The following PRR16 variants were observed in gnomAD, a reference collection of about 807,000 sequenced individuals.
PRR16 encodes the protein proline rich 16.
A neutral mutation model predicts 18.2 loss-of-function variants in PRR16; 6 were observed. The observed-to-expected ratio is 0.33, with a 90% CI of 0.18 to 0.65. PRR16 has a LOEUF of 0.65. PRR16 is among the 30% of genes least tolerant of loss of function. The pLI, the probability that PRR16 is intolerant of heterozygous loss-of-function variation, is 0.74. For missense variants in PRR16, 412 were observed against 376.6 expected (o/e 1.09, Z -0.78); for synonymous variants, 151 against 147.8 (o/e 1.02, Z -0.16).
chr5:120,699,714 A>C, the PRR16 span, among the ~76,000 whole-genome samples: 45 of 152,228 alleles, frequency 3.0e-4, no homozygotes, highest in East Asian at 8.1e-3. Flanking sequence ...CAGTAAGGTC[A>C]AGTTGGACAG....
the PRR16 span, among the ~76,000 whole-genome samples, chr5:120,759,126 G>A: frequency 1.6e-4 from 24 of 151,604 alleles, no homozygotes; most frequent in Admixed American, 2.6e-4. Flanking sequence ...ACAGGCACCC[G>A]CCACCATGCC....
At chr5:120,517,266 A>C (rs1751028465) in intron 1 of PRR16, among the ~76,000 whole-genome samples, 1 of 152,198 alleles carries the variant, frequency 6.6e-6, no homozygotes, top group Admixed American at 6.5e-5. Context: ...TAGTACAATC[A>C]ATGCATGAAT....
At chr5:120,595,439 A>AT (rs1009691878) in intron 1 of PRR16, among the ~76,000 whole-genome samples, 5 of 151,570 alleles carry the variant, frequency 3.3e-5, no homozygotes, top group African/African-American at 1.2e-4. Context: ...AAAGTCAAAA[A>AT]AAAAATAAAA....
At chr5:120,700,161 C>A in the PRR16 span, among the ~76,000 whole-genome samples, 7 of 152,034 alleles carry the variant, frequency 4.6e-5, no homozygotes, top group Non-Finnish European at 1.0e-4. Flanking sequence ...ATAGGCAAAA[C>A]AATTTGGTTG....
At chr5:120,504,241 G>A (rs1007488884) in intron 1 of PRR16, among the ~76,000 whole-genome samples, 1 of 152,114 alleles carries the variant, frequency 6.6e-6, no homozygotes, top group Non-Finnish European at 1.5e-5. Context: ...TGACCTTGGT[G>A]CTGATTCTGC....
At chr5:120,595,383 C>T (rs1753766415) in intron 1 of PRR16, among the ~76,000 whole-genome samples, 1 of 151,554 alleles carries the variant, frequency 6.6e-6, no homozygotes. Context: ...CAAATCAAAT[C>T]CACAATGAGA....
chr5:120,537,121 T>C (rs1751743591), intron 1 of PRR16, among the ~76,000 whole-genome samples: 1 of 152,070 alleles, frequency 6.6e-6, no homozygotes. Context: ...CATGGAATAA[T>C]CTGTACAACA....
At position 120,475,061 on chromosome 5, in the gene PRR16, T is replaced by A. The variant is rs142485755; in HGVS notation, c.159+10416T>A. On this transcript the variant is annotated intron_variant, in intron 1 of 1. Coordinates refer to ENST00000407149, the MANE Select transcript of PRR16 (RefSeq NM_001300783.2). ...TGACGATGATGATGATACAGATGAC[T>A]GACAACTGTTAACTTCTCACTATGT... 8.6e-4 allele frequency among the ~76,000 whole-genome samples: 131 copies of A among 152,334 alleles called. 1 individual carries two copies. In the East Asian group the frequency reaches 0.023, roughly 27 times the overall value.
intron 1 of PRR16, among the ~76,000 whole-genome samples, chr5:120,673,205 C>G (rs985555561): frequency 6.6e-6 from 1 of 152,232 alleles, no homozygotes; most frequent in African/African-American, 2.4e-5. Context: ...CTATATGGAA[C>G]TATGTGATGC....
At chr5:120,629,969 T>C (rs1357481011) in intron 1 of PRR16, among the ~76,000 whole-genome samples, 1 of 152,070 alleles carries the variant, frequency 6.6e-6, no homozygotes, top group African/African-American at 2.4e-5. Context: ...CAAGATCTTT[T>C]ATTTTCTTTT....
chr5:120,676,546 G>GCA (rs1464184899), intron 1 of PRR16, among the ~76,000 whole-genome samples: 3 of 150,146 alleles, frequency 2.0e-5, no homozygotes, highest in African/African-American at 4.9e-5. Flanking sequence ...GTGTGTGTGT[G>GCA]TGCGTGTGTA....
intron 1 of PRR16, among the ~76,000 whole-genome samples, chr5:120,663,639 G>T (rs1756255223): frequency 6.6e-6 from 1 of 152,104 alleles, no homozygotes; most frequent in African/African-American, 2.4e-5. Context: ...TGAAGTTAAG[G>T]AAAATGAGCT....
the PRR16 span, among the ~76,000 whole-genome samples, chr5:120,754,498 TTTA>T: frequency 3.3e-5 from 2 of 61,286 alleles, no homozygotes; most frequent in African/African-American, 1.3e-4. Flanking sequence ...TAGTATGTAT[TTTA>T]TTATGTATAT....
chr5:120,567,329 A>C (rs1380846703), intron 1 of PRR16, among the ~76,000 whole-genome samples: 1 of 152,042 alleles, frequency 6.6e-6, no homozygotes, highest in African/African-American at 2.4e-5. Context: ...AGGACTTCTT[A>C]TCTGAGAGAC....
chr5:120,652,527 G>T (rs1755827520), intron 1 of PRR16, among the ~76,000 whole-genome samples: 1 of 152,040 alleles, frequency 6.6e-6, no homozygotes, highest in African/African-American at 2.4e-5. Context: ...GATGTGATGT[G>T]TTAAGAATGG....
At chr5:120,702,600 G>A in the PRR16 span, among the ~76,000 whole-genome samples, 7 of 152,160 alleles carry the variant, frequency 4.6e-5, no homozygotes, top group African/African-American at 1.2e-4. Flanking sequence ...AGAGGTGTCC[G>A]TGAAATGATT....
chr5:120,755,783 G>T, the PRR16 span, among the ~76,000 whole-genome samples: 1 of 152,042 alleles, frequency 6.6e-6, no homozygotes, highest in Non-Finnish European at 1.5e-5. Context: ...TTGACTATGA[G>T]TAGTCCAGGT....
chr5:120,604,538 C>G (rs145295163), intron 1 of PRR16, among the ~76,000 whole-genome samples: 4 of 152,028 alleles, frequency 2.6e-5, no homozygotes, highest in African/African-American at 9.7e-5. Flanking sequence ...AGTTTTTAGT[C>G]CATTTCCATT....
intron 1 of PRR16, among the ~76,000 whole-genome samples, chr5:120,537,769 G>GTTATTTTT (rs1561536413): frequency 2.6e-5 from 3 of 115,198 alleles, no homozygotes; most frequent in African/African-American, 3.3e-5. Flanking sequence ...AATTTTTAAT[G>GTTATTTTT]TTTTTTTTTT....
Sources: gnomAD v4.1 joint callset for allele counts (sites outside exome capture counted in the v4.1 genomes callset) on GRCh38, gnomAD v4.1.1 for gene constraint, MANE v1.5 for transcripts, NCBI Gene and HGNC (gene_info 2026-07-23, HGNC 2026-07-21) for gene names.